Variants in CCDC181 observed in about 807,000 individuals in gnomAD.
CCDC181 encodes the protein coiled-coil domain-containing protein 181.
A neutral mutation model predicts 58.7 loss-of-function variants in CCDC181; 35 were observed. The observed-to-expected ratio is 0.60, with a 90% CI of 0.46 to 0.79. CCDC181 has a LOEUF of 0.79. CCDC181 is among the 30% of genes least tolerant of loss of function. The pLI is 0.00. For synonymous variants in CCDC181, 183 were observed against 197.5 expected (o/e 0.93, Z 0.62); for missense variants, 517 against 583.9 (o/e 0.89, Z 1.18).
exon 1 of CCDC181, chr1:169,460,439 G>C (rs1657812408): frequency 6.6e-6 from 1 of 152,346 alleles, no homozygotes. Flanking sequence ...GACCATCCGA[G>C]GGGAGTGAGC....
chr1:169,439,857 A>T (rs944523825), intron 2 of CCDC181, among the ~76,000 whole-genome samples: 1 of 152,140 alleles, frequency 6.6e-6, no homozygotes, highest in Non-Finnish European at 1.5e-5. Context: ...CCTGAAGTTC[A>T]GCCATCCCAT....
Position 169,421,437 on chromosome 1 carries a change from T to C in CCDC181, c.994A>G (p.Thr332Ala), listed in dbSNP as rs41272449. The change falls in exon 3 of 6, where the codon ACA (threonine) becomes GCA (alanine). Residue 332 changes from threonine to alanine, a missense_variant. Transcript: ENST00000367806. Reference sequence around the variant, plus strand: ...TTCTGTCGAGGGGAAAGACAGTATGTTGAAGTCACTGGTGAGATATGTGCA... The same window carrying C: ...TTCTGTCGAGGGGAAAGACAGTATGCTGAAGTCACTGGTGAGATATGTGCA... ...QSAHISPVTS[T>A]YCLSPRQKEL... 9.0e-5 allele frequency: 146 copies of C among 1,614,056 alleles called. No homozygotes were observed. The highest frequency in any genetic ancestry group is 1.1e-4 in the Non-Finnish European group (134 of 1,180,002).
At chr1:169,447,743 T>C (rs1045731961) in intron 2 of CCDC181, among the ~76,000 whole-genome samples, 2 of 152,230 alleles carry the variant, frequency 1.3e-5, no homozygotes, top group Non-Finnish European at 2.9e-5. Flanking sequence ...GATTTCCTTA[T>C]TATGTAATGC....
chr1:169,434,875 A>C (rs996813365), intron 2 of CCDC181, among the ~76,000 whole-genome samples: 28 of 152,202 alleles, frequency 1.8e-4, no homozygotes, highest in African/African-American at 6.7e-4. Context: ...CACTTATATA[A>C]AGTGCCCAGA....
At chr1:169,442,216 A>C (rs957723283) in intron 2 of CCDC181, among the ~76,000 whole-genome samples, 1 of 152,122 alleles carries the variant, frequency 6.6e-6, no homozygotes, top group Non-Finnish European at 1.5e-5. Flanking sequence ...ACATAGATTC[A>C]TGAAATTTTA....
chr1:169,430,612 T>C (rs1340764508), upstream of CCDC181, among the ~76,000 whole-genome samples: 4 of 151,982 alleles, frequency 2.6e-5, no homozygotes, highest in African/African-American at 9.7e-5. Flanking sequence ...TATACAGCAG[T>C]GCTACTGTTA....
At chr1:169,401,096 A>G (rs1346435653) in intron 4 of CCDC181, among the ~76,000 whole-genome samples, 1 of 152,194 alleles carries the variant, frequency 6.6e-6, no homozygotes, top group East Asian at 1.9e-4. Context: ...CAGCAAGGCT[A>G]GGGGAGAGAT....
chr1:169,445,638 G>A (rs1044762775), intron 2 of CCDC181, among the ~76,000 whole-genome samples: 3 of 152,112 alleles, frequency 2.0e-5, no homozygotes, highest in East Asian at 1.9e-4. Flanking sequence ...GGATAATGAT[G>A]TCCTTATAGA....
intron 4 of CCDC181, among the ~76,000 whole-genome samples, chr1:169,399,854 T>A (rs1300534023): frequency 6.6e-6 from 1 of 151,996 alleles, no homozygotes; most frequent in African/African-American, 2.4e-5. Flanking sequence ...CAGACAACGG[T>A]ATAGGAAGGA....
intron 2 of CCDC181, among the ~76,000 whole-genome samples, chr1:169,434,593 A>G (rs1394565885): frequency 6.6e-6 from 1 of 152,058 alleles, no homozygotes; most frequent in Non-Finnish European, 1.5e-5. Context: ...ATGGAATATT[A>G]TTCAGCCTTT....
chr1:169,448,222 AGTGTT>A (rs1469413134), intron 2 of CCDC181, among the ~76,000 whole-genome samples: 1 of 152,124 alleles, frequency 6.6e-6, no homozygotes, highest in Non-Finnish European at 1.5e-5. Flanking sequence ...TTTAAAGTTT[AGTGTT>A]AAGAATAAGA....
intron 2 of CCDC181, among the ~76,000 whole-genome samples, chr1:169,449,312 T>C (rs887593313): frequency 2.6e-5 from 4 of 152,216 alleles, no homozygotes; most frequent in Admixed American, 2.6e-4. Context: ...GTGGGTTGTA[T>C]TTGATGTTTG....
chr1:169,439,458 T>C (rs115950601), intron 2 of CCDC181, among the ~76,000 whole-genome samples: 26 of 152,312 alleles, frequency 1.7e-4, no homozygotes, highest in African/African-American at 6.0e-4. Flanking sequence ...CTCGTGGAAC[T>C]TGTGACAGGG....
Position 169,452,710 on chromosome 1 carries a change from A to G in CCDC181, c.-24+7087T>C, listed in dbSNP as rs563347838. On this transcript the variant is annotated intron_variant, in intron 2 of 6. Transcript: ENST00000545005. ...CCATTCCAACTTCTGTCCATCAAAC[A>G]TTCCCTCTTTGGTTGGCTGCAGACA... is the stretch of plus-strand genomic sequence containing the variant. 6 of 152,274 alleles carry G rather than the reference A, an allele frequency of 3.9e-5. No individual in the cohort carries two copies. In the South Asian group the frequency reaches 1.2e-3, roughly 32 times the overall value. 9.4% of individuals were successfully genotyped at this position (152,274 alleles called of 1,614,324 possible).
intron 5 of CCDC181, chr1:169,395,890 T>TTC (rs10684188): frequency 6.6e-6 from 1 of 150,626 alleles, no homozygotes; most frequent in Non-Finnish European, 1.5e-5. Flanking sequence ...TTTTTTTTTT[T>TTC]CAGAATAAAC....
chr1:169,417,908 A>G (rs560928491), intron 4 of CCDC181, among the ~76,000 whole-genome samples: 2 of 152,202 alleles, frequency 1.3e-5, no homozygotes, highest in African/African-American at 4.8e-5. Flanking sequence ...ACCTATATCT[A>G]TCTCTTATTA....
intron 4 of CCDC181, among the ~76,000 whole-genome samples, chr1:169,400,070 G>T (rs1655253631): frequency 6.6e-6 from 1 of 152,052 alleles, no homozygotes; most frequent in Admixed American, 6.6e-5. Context: ...GCTCTGTAAG[G>T]TCTAACAGAG....
intron 4 of CCDC181, among the ~76,000 whole-genome samples, chr1:169,403,098 A>G (rs1655448016): frequency 6.6e-6 from 1 of 152,232 alleles, no homozygotes; most frequent in Non-Finnish European, 1.5e-5. Flanking sequence ...TATCAATCCA[A>G]TGAGAAGAGC....
At chr1:169,415,410 C>T (rs1397633772) in intron 4 of CCDC181, among the ~76,000 whole-genome samples, 1 of 152,162 alleles carries the variant, frequency 6.6e-6, no homozygotes, top group East Asian at 1.9e-4. Flanking sequence ...GTAATTCCTA[C>T]TCAATGATAT....
Sources: allele counts gnomAD v4.1 joint callset (sites outside exome capture counted in the v4.1 genomes callset), GRCh38; gene constraint gnomAD v4.1.1; transcripts MANE v1.5; gene names NCBI Gene and HGNC (gene_info 2026-07-23, HGNC 2026-07-21).